Variants in HECW2 observed in about 807,000 individuals in gnomAD.
The protein encoded by HECW2 is HECT, C2 and WW domain containing E3 ubiquitin protein ligase 2, also known as E3 ubiquitin-protein ligase HECW2.
Under a neutral mutation model 175.2 loss-of-function variants are expected in HECW2, and 61 were observed. That is an observed-to-expected ratio of 0.35 (90% CI 0.28 to 0.43). HECW2 has a LOEUF of 0.43. Among genes scored for constraint, HECW2 ranks in the 20% least tolerant of loss-of-function variants. HECW2 has a pLI of 1.00. For synonymous variants in HECW2, 671 were observed against 731.0 expected, an observed-to-expected ratio of 0.92 and a Z score of 1.32; for missense variants, 1,524 against 2,000.5, an observed-to-expected ratio of 0.76 and a Z score of 4.54.
chr2:196,365,752 C>A (rs1422873651), intron 2 of HECW2, among the ~76,000 whole-genome samples: 1 of 152,154 alleles, frequency 6.6e-6, no homozygotes, highest in Admixed American at 6.5e-5. Context: ...GTTAAACTCA[C>A]TAAAAACGAT....
At chr2:196,315,482 C>T (rs1271300750) in intron 10 of HECW2, among the ~76,000 whole-genome samples, 4 of 152,066 alleles carry the variant, frequency 2.6e-5, no homozygotes, top group African/African-American at 9.7e-5. Flanking sequence ...CTCTAAACAT[C>T]GTGTAGTGGG....
intron 19 of HECW2, among the ~76,000 whole-genome samples, chr2:196,246,554 A>T (rs369435115): frequency 5.3e-5 from 5 of 94,546 alleles, no homozygotes; most frequent in African/African-American, 1.1e-4. Context: ...CCGGCTAATT[A>T]TTTTTTTGTA....
At chr2:196,294,784 A>C (rs932926788) in intron 13 of HECW2, among the ~76,000 whole-genome samples, 2 of 152,172 alleles carry the variant, frequency 1.3e-5, no homozygotes, top group Non-Finnish European at 2.9e-5. Context: ...TTGACACAGC[A>C]AGTGGCAATG....
chr2:196,369,342 G>GTCTGTCTCTCTCTCTCTCTCTC (rs1693841878), intron 2 of HECW2, among the ~76,000 whole-genome samples: 1 of 131,452 alleles, frequency 7.6e-6, no homozygotes, highest in African/African-American at 3.0e-5. Context: ...AACAAATGGA[G>GTCTGTCTCTCTCTCTCTCTCTC]TCTCTCTCTC....
chr2:196,498,782 C>G (rs1208139504), intron 1 of HECW2, among the ~76,000 whole-genome samples: 1 of 152,150 alleles, frequency 6.6e-6, no homozygotes, highest in Non-Finnish European at 1.5e-5. Context: ...TGCTTACTAA[C>G]AGGAGTCACA....
intron 2 of HECW2, among the ~76,000 whole-genome samples, chr2:196,376,464 A>G (rs557332509): frequency 6.6e-6 from 1 of 151,904 alleles, no homozygotes; most frequent in Non-Finnish European, 1.5e-5. Flanking sequence ...CCCCATCTCT[A>G]CTAAAAATAC....
At chr2:196,254,860 G>C (rs1387502142) in intron 18 of HECW2, among the ~76,000 whole-genome samples, 1 of 152,008 alleles carries the variant, frequency 6.6e-6, no homozygotes, top group Non-Finnish European at 1.5e-5. Flanking sequence ...CTTTCCATGG[G>C]TTTATTGGCT....
rs1687933287 is a variant in HECW2, at chr2:196,228,496, C to A, written c.3765-242G>T. The stretch of plus-strand genomic sequence containing the variant: ...ACTAAGCCACACATCATACAACAGG[C>A]ATACAATAGGCAACATTCTAATACA... On this transcript the variant is annotated intron_variant, in intron 21 of 28. Transcript: ENST00000644978. Among the ~76,000 whole-genome samples, 3 of 152,238 alleles carry A rather than the reference C, an allele frequency of 2.0e-5. No individual in the cohort carries two copies. In the South Asian group the frequency reaches 6.2e-4, roughly 32 times the overall value.
chr2:196,259,245 T>C (rs563573423), intron 17 of HECW2, among the ~76,000 whole-genome samples: 1 of 152,318 alleles, frequency 6.6e-6, no homozygotes, highest in South Asian at 2.1e-4. Context: ...AATGCTGGGA[T>C]TATAGGCGTA....
intron 15 of HECW2, among the ~76,000 whole-genome samples, chr2:196,277,346 G>T (rs1486344310): frequency 6.6e-6 from 1 of 152,160 alleles, no homozygotes; most frequent in Non-Finnish European, 1.5e-5. Context: ...TAATTTTAAA[G>T]AATACTAGTG....
intron 2 of HECW2, among the ~76,000 whole-genome samples, chr2:196,379,373 TTACACAG>T: frequency 6.6e-6 from 1 of 152,112 alleles, no homozygotes; most frequent in East Asian, 1.9e-4. Flanking sequence ...TAAATGTTCA[TTACACAG>T]TACACTTAAG....
chr2:196,231,713 G>A (rs567334205), intron 21 of HECW2, among the ~76,000 whole-genome samples: 15 of 152,356 alleles, frequency 9.8e-5, no homozygotes, highest in South Asian at 4.1e-4. Flanking sequence ...TTATGGGCGG[G>A]GGCAGTGGCT....
chr2:196,561,788 G>A (rs1227565705), intron 1 of HECW2, among the ~76,000 whole-genome samples: 2 of 152,164 alleles, frequency 1.3e-5, no homozygotes, highest in African/African-American at 4.8e-5. Context: ...CAGCTACAGG[G>A]AAAGAACTGA....
At position 196,319,428 on chromosome 2, in the gene HECW2, G is replaced by C. The variant is rs1255198465; in HGVS notation, c.1462C>G (p.Leu488Val). The change falls in exon 9 of 29, where the codon CTG becomes GTG. Residue 488 changes from leucine (L) to valine (V), a missense_variant. Leu to Val is a conservative substitution (Grantham distance 32). Transcript: ENST00000644978. Reference protein sequence around the residue: ...YPSSLEEEGGLIMFSRASRAD... With the variant: ...YPSSLEEEGGVIMFSRASRAD... ...CTGGATGCCCTGCTAAACATGATCA[G>C]GCCTCCCTCCTCCTCCAAGGAAGAT... 5.0e-6 allele frequency: 8 copies of C among 1,613,810 alleles called. No individual in the cohort carries two copies. The highest frequency in any genetic ancestry group is 6.8e-6 in the Non-Finnish European group (8 of 1,179,946).
Position 196,379,684 on chromosome 2 carries a change from C to CAAAAAAA in HECW2, c.293-35927_293-35921dup, listed in dbSNP as rs1228923177. ...TGGGCGACAGAGCAATACTCCGTCT[C>CAAAAAAA]AAAAAAAAAAAAAAAAAAACAAAAA... is the stretch of plus-strand genomic sequence containing the variant. On this transcript the variant is annotated intron_variant, in intron 2 of 28. Transcript: ENST00000644978. Among the ~76,000 whole-genome samples the CAAAAAAA allele has an allele frequency of 3.9e-4, 11 of 28,262 alleles. 1 individual carries two copies. Among genetic ancestry groups the CAAAAAAA allele is most frequent in the African/African-American group, 4.5e-4 (7 of 15,534 alleles). 18.5% of individuals were successfully genotyped at this position (28,262 alleles called of 152,430 possible). A position where few individuals can be genotyped will look rare whatever the true frequency, so the allele number is the denominator to read the frequency against.
At chr2:196,315,644 A>G (rs1169993762) in intron 10 of HECW2, 1 of 152,216 alleles carries the variant, frequency 6.6e-6, no homozygotes, top group East Asian at 1.9e-4. Context: ...GGAACTGCCA[A>G]TTGTAAAAAA....
intron 7 of HECW2, 35 bp from the exon 8 acceptor site, chr2:196,320,474 A>AG: frequency 7.3e-7 from 1 of 1,377,872 alleles, no homozygotes; most frequent in Non-Finnish European, 1.0e-6. Flanking sequence ...CATCCTGACT[A>AG]CGCTGGAGTC....
At chr2:196,244,048 A>G (rs1688560471) in intron 19 of HECW2, among the ~76,000 whole-genome samples, 1 of 152,252 alleles carries the variant, frequency 6.6e-6, no homozygotes, top group Non-Finnish European at 1.5e-5. Flanking sequence ...ACCAGAAAAC[A>G]AAAGCTGGGA....
At chr2:196,394,587 A>AAT (rs34710035) in intron 2 of HECW2, among the ~76,000 whole-genome samples, 117,432 of 151,804 alleles carry the variant, frequency 0.77, 46,102 homozygotes, top group East Asian at 0.86. Context: ...CGATCTCTCC[A>AAT]ATCCTGTCTC....
Sources: gnomAD v4.1 joint callset for allele counts (sites outside exome capture counted in the v4.1 genomes callset) on GRCh38, gnomAD v4.1.1 for gene constraint, MANE v1.5 for transcripts, NCBI Gene and HGNC (gene_info 2026-07-23, HGNC 2026-07-21) for gene names.